CBR4: variants seen among roughly 807,000 people sequenced by gnomAD.
CBR4 encodes the protein carbonyl reductase 4.
CBR4 carries 22 observed loss-of-function variants against 21.0 expected under a neutral mutation model. The ratio of observed to expected loss-of-function variants is 1.05; its 90% CI spans 0.75 to 1.50. The LOEUF (loss-of-function observed/expected upper bound fraction) is 1.50. CBR4 is among the 40% of genes most tolerant of loss of function. The probability of loss-of-function intolerance (pLI) is 0.00; values close to 1 mark genes in which losing one functional copy is unlikely to be tolerated. For missense variants in CBR4, 302 were observed against 286.3 expected (o/e 1.05, Z -0.40); for synonymous variants, 100 against 104.4 (o/e 0.96, Z 0.26).
At chr4:168,982,839 A>G (rs913972254), downstream of CBR4, among the ~76,000 whole-genome samples, 5 of 152,250 alleles carry the variant, frequency 3.3e-5, no homozygotes, top group Admixed American at 3.3e-4. Context: ...AATGAAATTC[A>G]GGCAGAAATC....
intron 2 of CBR4, among the ~76,000 whole-genome samples, chr4:168,980,254 C>T (rs1764505845): frequency 6.6e-6 from 1 of 151,842 alleles, no homozygotes; most frequent in South Asian, 2.1e-4. Flanking sequence ...CCTCCTCTCC[C>T]ACTTGAGAGG....
In CBR4 at chr4:168,990,135, T is replaced by G. The variant is rs201574994; in HGVS notation, c.*15A>C. 1.3e-5 allele frequency: 21 copies of G among 1,587,586 alleles called. No individual in the cohort carries two copies. In the Middle Eastern group the frequency reaches 5.0e-4, roughly 38 times the overall value. ...CCTTGATGCTAATCACCCCTATAAC[T>G]GAATAATCTGCAAATTACAAAATGA... is the stretch of plus-strand genomic sequence containing the variant. On this transcript the variant is annotated 3_prime_UTR_variant, in exon 5 of 5. Transcript: ENST00000306193.
At position 169,010,182 on chromosome 4, in the gene CBR4, A is replaced by C; in HGVS notation, c.-93T>G. 1.7e-6 allele frequency: 2 copies of C among 1,148,574 alleles called. No individual in the cohort carries two copies. Among genetic ancestry groups the C allele is most frequent in the East Asian group, 2.8e-5 (1 of 35,178 alleles). The allele number at this position is 1,148,574 out of a possible 1,614,324, so 71.1% of individuals were successfully genotyped here. A position where few individuals can be genotyped will look rare whatever the true frequency, so the allele number is the denominator to read the frequency against. On this transcript the variant is annotated 5_prime_UTR_variant, in exon 1 of 5. Coordinates refer to ENST00000306193, the MANE Select transcript of CBR4 (RefSeq NM_032783.5). Reference sequence around the variant, plus strand: ...TTTAAACAACCGCGGTTCCAAAAAAAAAAAAAAGAAAAAAAAAGGCAAACC... The same window carrying C: ...TTTAAACAACCGCGGTTCCAAAAAACAAAAAAAGAAAAAAAAAGGCAAACC...
intron 2 of CBR4, among the ~76,000 whole-genome samples, chr4:168,950,263 A>T (rs1012836628): frequency 6.6e-6 from 1 of 152,096 alleles, no homozygotes; most frequent in African/African-American, 2.4e-5. Flanking sequence ...CTTTCCTCTT[A>T]GCACCGCCTT....
intron 2 of CBR4, among the ~76,000 whole-genome samples, chr4:168,901,354 C>G (rs193211514): frequency 6.6e-6 from 1 of 152,286 alleles, no homozygotes; most frequent in African/African-American, 2.4e-5. Flanking sequence ...TTACCCTGTT[C>G]TCGTGCTTGT....
At chr4:168,929,640 A>C (rs1762907583) in intron 2 of CBR4, among the ~76,000 whole-genome samples, 1 of 152,164 alleles carries the variant, frequency 6.6e-6, no homozygotes, top group Non-Finnish European at 1.5e-5. Context: ...GAGGAACTTG[A>C]GTGTTGGAGT....
intron 3 of CBR4, among the ~76,000 whole-genome samples, 172 bp from the exon 4 acceptor site, chr4:169,002,377 A>G (rs370362680): frequency 1.0e-3 from 157 of 152,362 alleles, no homozygotes; most frequent in African/African-American, 3.4e-3. Flanking sequence ...GGAAGATTTA[A>G]GAGTCCAAGT....
chr4:168,986,147 A>G (rs1013099737), downstream of CBR4, among the ~76,000 whole-genome samples: 2 of 152,242 alleles, frequency 1.3e-5, no homozygotes, highest in Non-Finnish European at 2.9e-5. Context: ...AAAAAACAAT[A>G]TAACAGCTAT....
At chr4:168,981,483 A>G (rs1764545766) in intron 2 of CBR4, among the ~76,000 whole-genome samples, 1 of 152,320 alleles carries the variant, frequency 6.6e-6, no homozygotes, top group Middle Eastern at 3.4e-3. Flanking sequence ...TTTCATAACA[A>G]TCAGAAGTAT....
At chr4:168,980,289 G>A (rs1764506540) in intron 2 of CBR4, among the ~76,000 whole-genome samples, 1 of 152,040 alleles carries the variant, frequency 6.6e-6, no homozygotes, top group Non-Finnish European at 1.5e-5. Flanking sequence ...CACTGAGAAG[G>A]TACATGACTG....
chr4:169,002,002 G>A (rs1730487979), intron 4 of CBR4, 69 bp downstream of exon 4: 3 of 1,278,294 alleles, frequency 2.3e-6, no homozygotes, highest in Non-Finnish European at 3.2e-6. Flanking sequence ...AATTACTAAT[G>A]TTCCAAATAA....
At chr4:168,925,207 TGC>T (rs2126593981) in intron 2 of CBR4, 1 of 1,402,540 alleles carries the variant, frequency 7.1e-7, no homozygotes, top group South Asian at 1.2e-5. Flanking sequence ...AAATTCATAT[TGC>T]TCTCTCTCTC....
rs544491953 is a variant in CBR4 at position 168,903,823 on chromosome 4, C to G, written n.170-9058G>C. ...TGATCACTACACCATTCAAAGAGAT[C>G]TCGATGGGACCTGCTCCCTCCATAC... On this transcript the variant is annotated intron_variant and non_coding_transcript_variant, in intron 2 of 3. Transcript: ENST00000509108. The G allele has an allele frequency of 2.1e-5, 34 of 1,612,514 alleles. 1 individual carries two copies. In the South Asian group the frequency reaches 2.4e-4, roughly 11 times the overall value.
chr4:168,991,679 A>G (rs184288308), intron 4 of CBR4, among the ~76,000 whole-genome samples: 18 of 152,330 alleles, frequency 1.2e-4, no homozygotes, highest in Admixed American at 2.0e-4. Context: ...AGAAAATCTT[A>G]CAAGATTAAT....
In CBR4 at chr4:168,989,822, T is replaced by A. The variant is rs535009976; in HGVS notation, c.*328A>T. On this transcript the variant is annotated 3_prime_UTR_variant, in exon 5 of 5. Coordinates refer to ENST00000306193, the MANE Select transcript of CBR4 (RefSeq NM_032783.5). ...ATACACATCCTTTAGAAAACACAATTTGTCTGGGGGGATGATTGCACATGT... is the reference window on the plus strand; with the variant it reads ...ATACACATCCTTTAGAAAACACAATATGTCTGGGGGGATGATTGCACATGT... The A allele has an allele frequency of 3.0e-5, 30 of 1,010,096 alleles. No homozygotes were observed. The highest frequency in any genetic ancestry group is 2.4e-4 in the Admixed American group (4 of 16,994). The allele number at this position is 1,010,096 out of a possible 1,614,324, so 62.6% of individuals were successfully genotyped here. A position where few individuals can be genotyped will look rare whatever the true frequency, so the allele number is the denominator to read the frequency against.
intron 2 of CBR4, among the ~76,000 whole-genome samples, chr4:168,925,592 A>ATAT (rs1189247866): frequency 6.6e-6 from 1 of 152,296 alleles, no homozygotes; most frequent in African/African-American, 2.4e-5. Context: ...TTGTGTTTGT[A>ATAT]TATTTGTGTA....
chr4:168,963,679 A>T (rs1258964851), intron 2 of CBR4, among the ~76,000 whole-genome samples: 2 of 152,014 alleles, frequency 1.3e-5, no homozygotes, highest in East Asian at 3.9e-4. Flanking sequence ...CATGTTGGCC[A>T]GGCTGGTCTC....
chr4:168,958,005 G>A (rs6854947), intron 2 of CBR4, among the ~76,000 whole-genome samples: 103,285 of 152,004 alleles, frequency 0.68, 36,865 homozygotes, highest in East Asian at 0.96. Context: ...CCAGCCCTGC[G>A]GAACTATGAG....
intron 2 of CBR4, among the ~76,000 whole-genome samples, chr4:168,977,803 T>A (rs562991261): frequency 6.6e-6 from 1 of 152,330 alleles, no homozygotes; most frequent in East Asian, 1.9e-4. Context: ...GATTTATACA[T>A]CAGAAACACA....
Sources: gnomAD v4.1 joint callset for allele counts (sites outside exome capture counted in the v4.1 genomes callset) on GRCh38, gnomAD v4.1.1 for gene constraint, MANE v1.5 for transcripts, NCBI Gene and HGNC (gene_info 2026-07-23, HGNC 2026-07-21) for gene names.